The following HSD17B4 variants were observed in gnomAD, a reference collection of about 807,000 sequenced individuals.
The protein encoded by HSD17B4 is hydroxysteroid 17-beta dehydrogenase 4.
HSD17B4 carries 70 observed loss-of-function variants against 101.0 expected under a neutral mutation model. That is an observed-to-expected ratio of 0.69 (90% CI 0.57 to 0.85). The LOEUF is 0.85. Ranked by LOEUF, HSD17B4 falls within the 40% of genes least tolerant of loss-of-function variation. The pLI, the probability that HSD17B4 is intolerant of heterozygous loss-of-function variation, is 0.00. For synonymous variants in HSD17B4, 347 were observed against 297.1 expected (o/e 1.17, Z -1.73); for missense variants, 984 against 892.4 (o/e 1.10, Z -1.31).
intron 8 of HSD17B4, chr5:119,487,182 A>G (rs1389173402): frequency 6.7e-6 from 1 of 150,048 alleles, no homozygotes; most frequent in East Asian, 2.0e-4. Context: ...TGTTATTTGT[A>G]TCATTCTCAG....
In HSD17B4 at chr5:119,494,058, C is replaced by T. The variant is rs1172877924; in HGVS notation, c.868+112C>T. On this transcript the variant is annotated intron_variant, in intron 11 of 23. Transcript: ENST00000510025. ...AACTGTAGTGTTAAGACACTTGAATCGTCTATAGCATATTTTCTGCTCTAG... is the reference window on the plus strand; with the variant it reads ...AACTGTAGTGTTAAGACACTTGAATTGTCTATAGCATATTTTCTGCTCTAG... The T allele has an allele frequency of 1.4e-5, 15 of 1,041,142 alleles. No homozygotes were observed. The South Asian group carries it at 1.8e-4, about 13-fold the overall frequency. The allele number at this position is 1,041,142 out of a possible 1,614,324, so 64.5% of individuals were successfully genotyped here. A position where few individuals can be genotyped will look rare whatever the true frequency, so the allele number is the denominator to read the frequency against.
At chr5:119,504,984 C>T (rs1751514549) in intron 14 of HSD17B4, among the ~76,000 whole-genome samples, 1 of 152,130 alleles carries the variant, frequency 6.6e-6, no homozygotes, top group Non-Finnish European at 1.5e-5. Flanking sequence ...CCAGTTATCT[C>T]AGCACCGTTT....
chr5:119,501,918 G>C, intron 13 of HSD17B4, 123 bp from the exon 14 acceptor site: 1 of 689,404 alleles, frequency 1.5e-6, no homozygotes, highest in Non-Finnish European at 2.6e-6. Flanking sequence ...AACAGAGATA[G>C]ATAACTTGGA....
intron 12 of HSD17B4, among the ~76,000 whole-genome samples, chr5:119,498,411 C>T (rs1178673468): frequency 2.0e-5 from 3 of 152,084 alleles, no homozygotes; most frequent in African/African-American, 7.2e-5. Context: ...AGCTCTTAGT[C>T]CTTGTTTGCC....
intron 16 of HSD17B4, among the ~76,000 whole-genome samples, chr5:119,510,045 C>A (rs978469150): frequency 6.6e-6 from 1 of 152,264 alleles, no homozygotes; most frequent in South Asian, 2.1e-4. Context: ...GTATATTGAT[C>A]TTATATTACC....
At chr5:119,482,507 G>C (rs1242233447) in intron 8 of HSD17B4, among the ~76,000 whole-genome samples, 2 of 151,974 alleles carry the variant, frequency 1.3e-5, no homozygotes, top group Non-Finnish European at 2.9e-5. Context: ...TTTAACATGG[G>C]TTGCAATTTT....
At chr5:119,513,966 A>G (rs1752391640) in intron 16 of HSD17B4, among the ~76,000 whole-genome samples, 2 of 152,200 alleles carry the variant, frequency 1.3e-5, no homozygotes, top group Non-Finnish European at 1.5e-5. Flanking sequence ...AGCCCTCAGA[A>G]TCAAGACAGG....
intron 13 of HSD17B4, among the ~76,000 whole-genome samples, chr5:119,501,835 T>C (rs1273377175): frequency 1.3e-5 from 2 of 152,158 alleles, no homozygotes; most frequent in Non-Finnish European, 2.9e-5. Context: ...ATATCTTCTC[T>C]GCTCCAGAAG....
chr5:119,473,634 T>A (rs1748255772), intron 2 of HSD17B4, among the ~76,000 whole-genome samples: 1 of 152,152 alleles, frequency 6.6e-6, no homozygotes, highest in South Asian at 2.1e-4. Context: ...TCTTTACTTT[T>A]TGAAAGAGGA....
intron 21 of HSD17B4, among the ~76,000 whole-genome samples, chr5:119,530,839 C>G (rs1301714191): frequency 9.7e-6 from 1 of 103,532 alleles, no homozygotes; most frequent in East Asian, 3.7e-4. Context: ...GGCGACAAGT[C>G]TGTCTCAAAA....
At chr5:119,493,266 G>A in intron 10 of HSD17B4, 1 of 153,838 alleles carries the variant, frequency 6.5e-6, no homozygotes, top group East Asian at 1.9e-4. Flanking sequence ...CAGCAGTAAT[G>A]GTTTTTATGA....
intron 1 of HSD17B4, among the ~76,000 whole-genome samples, chr5:119,453,969 C>A (rs945776016): frequency 3.3e-5 from 5 of 152,188 alleles, no homozygotes; most frequent in African/African-American, 1.2e-4. Flanking sequence ...GGAGACTTTC[C>A]TTTTCAGGGG....
At chr5:119,475,923 T>A in intron 6 of HSD17B4, 53 bp downstream of exon 6, 2 of 1,314,076 alleles carry the variant, frequency 1.5e-6, no homozygotes, top group Non-Finnish European at 1.1e-6. Flanking sequence ...TTTAGCCTTT[T>A]TAGTATTTGA....
intron 20 of HSD17B4, among the ~76,000 whole-genome samples, chr5:119,528,803 G>A (rs1226450873): frequency 6.6e-6 from 1 of 152,032 alleles, no homozygotes; most frequent in Non-Finnish European, 1.5e-5. Flanking sequence ...TAAGCATGCT[G>A]TCTTATCTTT....
At chr5:119,481,043 G>A (rs1332139343) in intron 8 of HSD17B4, among the ~76,000 whole-genome samples, 2 of 152,084 alleles carry the variant, frequency 1.3e-5, no homozygotes, top group African/African-American at 2.4e-5. Context: ...AAACACACAT[G>A]CTGTACAATT....
In HSD17B4 at chr5:119,527,465, T is replaced by G. The variant is rs182438521; in HGVS notation, c.1767+246T>G. On this transcript the variant is annotated intron_variant, in intron 20 of 23. Coordinates refer to ENST00000510025, the MANE Select transcript of HSD17B4 (RefSeq NM_000414.4). ...TTATTTTCAACTAAATTGGTAGCTATCTATGTAGCAGTGGCCCAGCTATTC... is the reference window on the plus strand; with the variant it reads ...TTATTTTCAACTAAATTGGTAGCTAGCTATGTAGCAGTGGCCCAGCTATTC... 5.9e-5 allele frequency among the ~76,000 whole-genome samples: 9 copies of G among 152,194 alleles called. 1 individual carries two copies. The highest frequency in any genetic ancestry group is 4.6e-4 in the Admixed American group (7 of 15,262).
intron 2 of HSD17B4, among the ~76,000 whole-genome samples, chr5:119,467,591 C>T (rs1580528980): frequency 6.6e-6 from 1 of 152,216 alleles, no homozygotes; most frequent in African/African-American, 2.4e-5. Context: ...TCTATTATAT[C>T]TGATGTAAGT....
intron 17 of HSD17B4, among the ~76,000 whole-genome samples, chr5:119,522,123 C>T (rs1217335620): frequency 1.3e-5 from 2 of 150,690 alleles, no homozygotes; most frequent in Non-Finnish European, 3.0e-5. Flanking sequence ...GTGTGATGTT[C>T]CCCTTCCTGT....
rs1473936011 is a variant in HSD17B4, at chr5:119,452,644, G to A, written c.58+11G>A. The A allele has an allele frequency of 6.2e-7, 1 of 1,613,720 alleles. No homozygotes were observed. On this transcript the variant is annotated intron_variant, in intron 1 of 23. Transcript: ENST00000510025. ...CCGGCGCGGGGGCAGGTGAGCATGC[G>A]AAGGTTGGAGGCCGCGCCCCTTGCT...
Sources: allele counts gnomAD v4.1 joint callset (sites outside exome capture counted in the v4.1 genomes callset), GRCh38; gene constraint gnomAD v4.1.1; transcripts MANE v1.5; gene names NCBI Gene and HGNC (gene_info 2026-07-23, HGNC 2026-07-21).